Variants in FARS2 observed in about 807,000 individuals in gnomAD.
The protein encoded by FARS2 is phenylalanine--tRNA ligase, mitochondrial.
FARS2 carries 40 observed loss-of-function variants against 46.4 expected under a neutral mutation model. The observed-to-expected ratio is 0.86, with a 90% CI of 0.67 to 1.12. The LOEUF (loss-of-function observed/expected upper bound fraction) is 1.12. Among genes scored for constraint, FARS2 ranks in the 50% most tolerant of loss-of-function variants. FARS2 has a pLI of 0.00. For missense variants in FARS2, 513 were observed against 567.9 expected (o/e 0.90, Z 0.98); for synonymous variants, 234 against 214.9 (o/e 1.09, Z -0.78).
chr6:5,660,593 G>A (rs1464880963), intron 6 of FARS2, among the ~76,000 whole-genome samples: 1 of 150,632 alleles, frequency 6.6e-6, no homozygotes, highest in Non-Finnish European at 1.5e-5. Flanking sequence ...GGACTGCAGT[G>A]AGGCATAATC....
chr6:5,736,166 G>A (rs1760935126), intron 6 of FARS2, among the ~76,000 whole-genome samples: 1 of 152,192 alleles, frequency 6.6e-6, no homozygotes, highest in Non-Finnish European at 1.5e-5. Context: ...TTCCTCCCTG[G>A]CTGTAGGTCA....
intron 1 of FARS2, among the ~76,000 whole-genome samples, chr6:5,331,147 T>G (rs1039410663): frequency 1.6e-4 from 25 of 152,102 alleles, no homozygotes; most frequent in African/African-American, 6.0e-4. Context: ...TTCTACATAT[T>G]TTTTTGAGTC....
At chr6:5,282,351 AAC>A (rs1276257820) in intron 1 of FARS2, among the ~76,000 whole-genome samples, 2 of 152,202 alleles carry the variant, frequency 1.3e-5, no homozygotes, top group African/African-American at 4.8e-5. Flanking sequence ...TTGCAAAAGA[AAC>A]ACATGGTCCA....
chr6:5,412,890 G>A (rs1461839157), intron 3 of FARS2, among the ~76,000 whole-genome samples: 3 of 150,408 alleles, frequency 2.0e-5, no homozygotes, highest in African/African-American at 4.9e-5. Flanking sequence ...TCGCCTCGCC[G>A]TAGCTTAGAT....
chr6:5,596,065 C>G (rs761717541), intron 5 of FARS2, among the ~76,000 whole-genome samples: 5 of 152,052 alleles, frequency 3.3e-5, no homozygotes, highest in Non-Finnish European at 5.9e-5. Context: ...CATAATAATT[C>G]AATGAGGTAA....
In FARS2 at chr6:5,718,415, T is replaced by C. The variant is rs143819034; in HGVS notation, c.1218-52876T>C. On this transcript the variant is annotated intron_variant, in intron 6 of 6. Transcript: ENST00000274680. ...AGTAAATGAATCAGGTACTTGTTAC[T>C]GTATACCCTTTTTGAAGATTTCCTG... is the stretch of plus-strand genomic sequence containing the variant. 4.9e-3 allele frequency among the ~76,000 whole-genome samples: 746 copies of C among 152,344 alleles called. 7 individuals are homozygous for C. The highest frequency in any genetic ancestry group is 0.017 in the African/African-American group (725 of 41,574).
At chr6:5,454,214 C>A (rs1764686085) in intron 4 of FARS2, among the ~76,000 whole-genome samples, 1 of 118,396 alleles carries the variant, frequency 8.4e-6, no homozygotes, top group South Asian at 2.7e-4. Context: ...TTTTTTTAGA[C>A]CCATGGACAT....
intron 1 of FARS2, among the ~76,000 whole-genome samples, chr6:5,341,782 G>A (rs922590635): frequency 2.6e-5 from 4 of 152,224 alleles, no homozygotes; most frequent in Non-Finnish European, 4.4e-5. Context: ...GCCTCCCAAA[G>A]TGCTAGGATT....
At chr6:5,336,294 C>G (rs977638336) in intron 1 of FARS2, among the ~76,000 whole-genome samples, 1 of 150,818 alleles carries the variant, frequency 6.6e-6, no homozygotes, top group African/African-American at 2.4e-5. Context: ...AATAAGACAG[C>G]CTTTTTTTCT....
intron 4 of FARS2, among the ~76,000 whole-genome samples, chr6:5,473,305 T>G (rs996088389): frequency 2.6e-5 from 4 of 151,892 alleles, no homozygotes; most frequent in African/African-American, 7.3e-5. Context: ...GGTGGGTGGA[T>G]CACGAGGTCA....
chr6:5,422,280 G>A (rs561244778), intron 3 of FARS2, among the ~76,000 whole-genome samples: 1 of 152,252 alleles, frequency 6.6e-6, no homozygotes, highest in African/African-American at 2.4e-5. Flanking sequence ...CAATGCGTGG[G>A]AATTCAAGAT....
intron 3 of FARS2, among the ~76,000 whole-genome samples, chr6:5,410,837 A>C (rs1761905062): frequency 6.6e-6 from 1 of 152,162 alleles, no homozygotes; most frequent in South Asian, 2.1e-4. Flanking sequence ...TCACATCAAA[A>C]ATTTTAAGTG....
rs188475639 is a variant in FARS2, at chr6:5,602,175, G to T, written c.1066-10994G>T. Among the ~76,000 whole-genome samples the T allele has an allele frequency of 1.2e-4, 19 of 152,270 alleles. 1 individual carries two copies. Among genetic ancestry groups the T allele is most frequent in the Admixed American group, 7.8e-4 (12 of 15,290 alleles). On this transcript the variant is annotated intron_variant, in intron 5 of 6. Transcript: ENST00000274680. ...GTTTCAGTAACATTAAAAAGGAGAA[G>T]AGTTTTAAGGTAAGGGGAATATTTT... is the stretch of plus-strand genomic sequence containing the variant.
chr6:5,676,331 A>G (rs9378979), intron 6 of FARS2, among the ~76,000 whole-genome samples: 65,321 of 152,132 alleles, frequency 0.43, 15,275 homozygotes, highest in Non-Finnish European at 0.53. Context: ...ATGGCCTTCA[A>G]TTGGATTTTG....
chr6:5,674,514 G>T lies in FARS2; in HGVS notation c.1217+61194G>T, dbSNP rs141873636. On this transcript the variant is annotated intron_variant, in intron 6 of 6. Transcript: ENST00000274680. ...GCAGAGGTAATAGTTTGGAAGTTGG[G>T]AATTCTTATTTCCCGGCAACTGTAG... Among the ~76,000 whole-genome samples, 26 of 152,278 alleles carry T rather than the reference G, an allele frequency of 1.7e-4. No homozygotes were observed. In the East Asian group the frequency reaches 4.4e-3, roughly 26 times the overall value.
chr6:5,265,060 A>C (rs1765461671), intron 1 of FARS2, among the ~76,000 whole-genome samples: 1 of 151,674 alleles, frequency 6.6e-6, no homozygotes, highest in African/African-American at 2.4e-5. Flanking sequence ...TGGCTTCCCA[A>C]AGAGCTCAGA....
chr6:5,276,226 A>G (rs935528723), intron 1 of FARS2, among the ~76,000 whole-genome samples: 1 of 152,204 alleles, frequency 6.6e-6, no homozygotes, highest in Non-Finnish European at 1.5e-5. Context: ...GGGAAGATTT[A>G]TTGTGCATTT....
intron 5 of FARS2, among the ~76,000 whole-genome samples, chr6:5,591,359 A>G (rs1582525285): frequency 6.6e-6 from 1 of 152,224 alleles, no homozygotes; most frequent in Non-Finnish European, 1.5e-5. Flanking sequence ...ATTGAATATG[A>G]GAAGAAATCT....
Position 5,551,771 on chromosome 6 carries a change from G to A in FARS2, c.1065+6431G>A, listed in dbSNP as rs560075849. The stretch of plus-strand genomic sequence containing the variant: ...CTGTTCCCTTGCCTTTGCCCGTCTA[G>A]AGACAGTCCTCAGTTCTTAGCTTAT... On this transcript the variant is annotated intron_variant, in intron 5 of 6. Transcript: ENST00000274680. 1.5e-4 allele frequency among the ~76,000 whole-genome samples: 23 copies of A among 152,270 alleles called. No individual in the cohort carries two copies. In the South Asian group the frequency reaches 4.6e-3, roughly 30 times the overall value.
Sources: gnomAD v4.1 joint callset for allele counts (sites outside exome capture counted in the v4.1 genomes callset) on GRCh38, gnomAD v4.1.1 for gene constraint, MANE v1.5 for transcripts, NCBI Gene and HGNC (gene_info 2026-07-23, HGNC 2026-07-21) for gene names.